The following MALRD1 variants were observed in gnomAD, a reference collection of about 807,000 sequenced individuals.
MALRD1 encodes MAM and LDL receptor class A domain containing 1.
MALRD1 carries 247 observed loss-of-function variants against 242.1 expected under a neutral mutation model. The observed-to-expected ratio is 1.02, with a 90% CI of 0.92 to 1.13. The LOEUF is 1.13. Among genes scored for constraint, MALRD1 ranks in the 50% most tolerant of loss-of-function variants. The pLI, the probability that MALRD1 is intolerant of heterozygous loss-of-function variation, is 0.00. For synonymous variants in MALRD1, 995 were observed against 866.6 expected, an observed-to-expected ratio of 1.15 and a Z score of -2.60; for missense variants, 2,989 against 2,533.1, an observed-to-expected ratio of 1.18 and a Z score of -3.86.
At chr10:19,340,348 T>G (rs962346489) in intron 24 of MALRD1, among the ~76,000 whole-genome samples, 23 of 150,494 alleles carry the variant, frequency 1.5e-4, no homozygotes, top group Non-Finnish European at 3.1e-4. Context: ...TGTGCTAACT[T>G]TTTTTTTTTT....
At chr10:19,727,947 A>T (rs1336402003) in intron 38 of MALRD1, among the ~76,000 whole-genome samples, 1 of 152,200 alleles carries the variant, frequency 6.6e-6, no homozygotes, top group Non-Finnish European at 1.5e-5. Flanking sequence ...GAAAATCATA[A>T]TATTGAACTT....
chr10:19,593,681 C>T (rs1303150640), intron 33 of MALRD1, among the ~76,000 whole-genome samples: 1 of 152,130 alleles, frequency 6.6e-6, no homozygotes, highest in African/African-American at 2.4e-5. Flanking sequence ...ATTCTCTGAC[C>T]TTTAGAAACA....
chr10:19,284,472 A>G (rs1172403702), intron 21 of MALRD1, among the ~76,000 whole-genome samples: 95 of 140,778 alleles, frequency 6.7e-4, no homozygotes, highest in African/African-American at 2.1e-3. Flanking sequence ...TCATTGTTCA[A>G]TTCCCACCTA....
At position 19,658,356 on chromosome 10, in the gene MALRD1, G is replaced by GA. The variant is rs369249913; in HGVS notation, c.6138-33919dup. ...GATTCATAGGGCTATTCTGAGATCT[G>GA]AAAAAAATAATGCATATAGAAGTTA... On this transcript the variant is annotated intron_variant, in intron 36 of 39. Transcript: ENST00000454679. 5.7e-4 allele frequency among the ~76,000 whole-genome samples: 86 copies of GA among 152,086 alleles called. 2 individuals are homozygous for GA. The highest frequency in any genetic ancestry group is 2.0e-3 in the African/African-American group (81 of 41,516).
chr10:19,213,001 G>A (rs1837141704), intron 18 of MALRD1, among the ~76,000 whole-genome samples: 1 of 152,026 alleles, frequency 6.6e-6, no homozygotes, highest in African/African-American at 2.4e-5. Context: ...TCAGATATAT[G>A]AATTGCAAAT....
At chr10:19,453,688 C>A (rs966362847) in intron 29 of MALRD1, among the ~76,000 whole-genome samples, 1 of 151,792 alleles carries the variant, frequency 6.6e-6, no homozygotes, top group African/African-American at 2.4e-5. Context: ...CCAGCCTGGC[C>A]AACATGGTGA....
chr10:19,477,935 A>G (rs1836816933), intron 29 of MALRD1, among the ~76,000 whole-genome samples: 1 of 152,168 alleles, frequency 6.6e-6, no homozygotes, highest in African/African-American at 2.4e-5. Flanking sequence ...CATGTTGAAC[A>G]TGCCTGGCTC....
At chr10:19,434,233 C>A (rs16918789) in intron 28 of MALRD1, among the ~76,000 whole-genome samples, 1 of 151,984 alleles carries the variant, frequency 6.6e-6, no homozygotes, top group Non-Finnish European at 1.5e-5. Flanking sequence ...CTGTTTAAAA[C>A]GATTTTATAA....
chr10:19,525,839 G>T (rs1761985625), intron 31 of MALRD1, among the ~76,000 whole-genome samples: 1 of 152,066 alleles, frequency 6.6e-6, no homozygotes, highest in African/African-American at 2.4e-5. Context: ...AAAATTAATT[G>T]AATGCATTCT....
intron 21 of MALRD1, among the ~76,000 whole-genome samples, chr10:19,317,317 C>G (rs1165187887): frequency 6.6e-6 from 1 of 151,822 alleles, no homozygotes; most frequent in Non-Finnish European, 1.5e-5. Context: ...GGTCTCTTTT[C>G]TAAGGAAAGT....
At chr10:19,669,439 A>G (rs1373049822) in intron 36 of MALRD1, among the ~76,000 whole-genome samples, 3 of 152,170 alleles carry the variant, frequency 2.0e-5, no homozygotes, top group South Asian at 2.1e-4. Flanking sequence ...GAGAAAGCCT[A>G]CAGGTTGTTA....
chr10:19,213,930 C>T (rs1837187522), intron 18 of MALRD1, among the ~76,000 whole-genome samples: 1 of 152,186 alleles, frequency 6.6e-6, no homozygotes. Context: ...CAAGATCCTT[C>T]TGGGTATCCC....
At chr10:19,667,234 T>C (rs904192299) in intron 36 of MALRD1, among the ~76,000 whole-genome samples, 2 of 152,056 alleles carry the variant, frequency 1.3e-5, no homozygotes, top group Non-Finnish European at 2.9e-5. Context: ...AGGCGAAGGA[T>C]TGCTTGAAGC....
chr10:19,320,459 C>G lies in MALRD1; in HGVS notation c.3420-3490C>G, dbSNP rs1358187209. 2.0e-5 allele frequency among the ~76,000 whole-genome samples: 3 copies of G among 152,036 alleles called. No homozygotes were observed. The East Asian group carries it at 5.8e-4, about 29-fold the overall frequency. On this transcript the variant is annotated intron_variant, in intron 21 of 39. Coordinates refer to ENST00000454679, the MANE Select transcript of MALRD1 (RefSeq NM_001142308.3). ...TGTATATGTGCCAAATTTTCTTTATCCAGTCTATCATTGATGGGAATTTGG... is the reference window on the plus strand; with the variant it reads ...TGTATATGTGCCAAATTTTCTTTATGCAGTCTATCATTGATGGGAATTTGG...
intron 4 of MALRD1, among the ~76,000 whole-genome samples, chr10:19,103,195 C>G (rs192751368): frequency 6.6e-6 from 1 of 151,862 alleles, no homozygotes; most frequent in Non-Finnish European, 1.5e-5. Context: ...CATTTCCAGT[C>G]GATGTTTAGA....
intron 14 of MALRD1, among the ~76,000 whole-genome samples, chr10:19,198,212 A>G (rs768191394): frequency 3.3e-5 from 5 of 152,210 alleles, no homozygotes; most frequent in Non-Finnish European, 7.3e-5. Flanking sequence ...TGTTTCATGG[A>G]TGCTGACACA....
At chr10:19,709,653 C>T (rs1390680006) in intron 38 of MALRD1, among the ~76,000 whole-genome samples, 13 of 152,114 alleles carry the variant, frequency 8.5e-5, no homozygotes, top group Non-Finnish European at 1.5e-5. Context: ...TGTAACTTGG[C>T]ATTAAATCTT....
At chr10:19,214,344 C>T (rs950095917) in intron 18 of MALRD1, among the ~76,000 whole-genome samples, 14 of 152,246 alleles carry the variant, frequency 9.2e-5, no homozygotes, top group African/African-American at 3.4e-4. Flanking sequence ...GACTTTACAG[C>T]GTCTTGCAAA....
chr10:19,302,639 G>C (rs930276116), intron 21 of MALRD1, among the ~76,000 whole-genome samples: 1 of 151,604 alleles, frequency 6.6e-6, no homozygotes, highest in Non-Finnish European at 1.5e-5. Flanking sequence ...ATGGATAAGG[G>C]GTTACTTTTT....
Sources: allele counts gnomAD v4.1 joint callset (sites outside exome capture counted in the v4.1 genomes callset), GRCh38; gene constraint gnomAD v4.1.1; transcripts MANE v1.5; gene names NCBI Gene and HGNC (gene_info 2026-07-23, HGNC 2026-07-21).